TAF1: variants seen among roughly 807,000 people sequenced by gnomAD.
TAF1 encodes transcription initiation factor TFIID subunit 1.
Under a neutral mutation model 138.5 loss-of-function variants are expected in TAF1, and 2 were observed. The observed-to-expected ratio is 0.01, with a 90% CI of 0.01 to 0.05. The LOEUF (loss-of-function observed/expected upper bound fraction) is 0.05. Ranked by LOEUF, TAF1 falls within the 10% of genes least tolerant of loss-of-function variation. The pLI is 1.00. For missense variants in TAF1, 709 were observed against 1,478.0 expected, an observed-to-expected ratio of 0.48 and a Z score of 8.53; for synonymous variants, 437 against 503.2, an observed-to-expected ratio of 0.87 and a Z score of 1.76.
chrX:71,504,313 T>C (rs1445851362), intron 13 of TAF1, among the ~76,000 whole-genome samples: 1 of 110,277 alleles, frequency 9.1e-6, no homozygotes, highest in Non-Finnish European at 1.9e-5. Context: ...TCAAGGTATT[T>C]CCTCCATCCA....
At chrX:71,510,482 T>C (rs912896400) in intron 13 of TAF1, among the ~76,000 whole-genome samples, 3 of 111,975 alleles carry the variant, frequency 2.7e-5, no homozygotes, top group African/African-American at 9.7e-5. Context: ...CTTCCATATA[T>C]AGAAAAGCTT....
intron 13 of TAF1, among the ~76,000 whole-genome samples, chrX:71,526,289 A>G (rs1384766694): frequency 8.9e-6 from 1 of 112,445 alleles, no homozygotes; most frequent in African/African-American, 3.2e-5. Flanking sequence ...TAAAACATTT[A>G]CCAAAGGAAA....
At chrX:71,505,542 A>T (rs772467721) in intron 13 of TAF1, among the ~76,000 whole-genome samples, 1 of 112,296 alleles carries the variant, frequency 8.9e-6, no homozygotes, top group Admixed American at 9.4e-5. Flanking sequence ...CATGAGAAAA[A>T]CATCAGAAAA....
chrX:71,417,975 T>A (rs2036116773), intron 28 of TAF1, among the ~76,000 whole-genome samples: 1 of 112,509 alleles, frequency 8.9e-6, no homozygotes, highest in Non-Finnish European at 1.9e-5. Flanking sequence ...ATATGGTCAA[T>A]CTAGTATATA....
At position 71,500,397 on chromosome X, in the gene TAF1, C is replaced by A. The variant is rs1353447225; in HGVS notation, c.1367-28145C>A. 6.3e-5 allele frequency among the ~76,000 whole-genome samples: 7 copies of A among 111,288 alleles called. No homozygotes were observed. The Admixed American group carries it at 6.7e-4, about 11-fold the overall frequency. ...TAGTGCAGAAAAAAATAAGCCACTT[C>A]TTTTTCAGGGTTTGTGGGTCAAATT... On this transcript the variant is annotated intron_variant and NMD_transcript_variant, in intron 13 of 14. Coordinates refer to the TAF1 transcript ENST00000373775.
chrX:71,459,215 TGAG>T, intron 35 of TAF1: 2 of 1,111,124 alleles, frequency 1.8e-6, no homozygotes, highest in Non-Finnish European at 1.2e-6. Flanking sequence ...GGTATGATGA[TGAG>T]GAGGAGGATG....
chrX:71,423,155 C>T lies in TAF1; in HGVS notation c.4491C>T (p.Asn1497=). The T allele has an allele frequency of 8.3e-7, 1 of 1,212,008 alleles. No homozygotes were observed. Among genetic ancestry groups the T allele is most frequent in the African/African-American group, 1.7e-5 (1 of 57,877 alleles). Residue 1497 remains asparagine, a synonymous_variant, in exon 30 of 38, where the codon AAC becomes AAT. Transcript: ENST00000423759. The part of the protein sequence containing the change: ...DKLARLEKAI[N]PLLDDDDQVA... The stretch of plus-strand genomic sequence containing the variant: ...TAGCTCGCTTAGAGAAAGCTATCAA[C>T]CCCTTGCTGGATGATGATGACCAAG...
downstream of TAF1, among the ~76,000 whole-genome samples, chrX:71,469,595 C>T (rs981417775): frequency 9.2e-6 from 1 of 108,997 alleles, no homozygotes; most frequent in Non-Finnish European, 1.9e-5. Flanking sequence ...ACTCGGGAGG[C>T]TCGGGTGGGA....
At chrX:71,393,137 A>T in intron 20 of TAF1, 143 bp downstream of exon 20, 1 of 1,060,856 alleles carries the variant, frequency 9.4e-7, no homozygotes. Context: ...TTTAGGAGTT[A>T]TCTTTCTATG....
At chrX:71,471,461 CTTTTTTTT>C (rs1279972405) in intron 13 of TAF1, among the ~76,000 whole-genome samples, 1 of 87,319 alleles carries the variant, frequency 1.1e-5, no homozygotes, top group East Asian at 3.5e-4. Flanking sequence ...GAAATGGTCA[CTTTTTTTT>C]TTTTTTTTTT....
chrX:71,497,102 G>A (rs1199857079), intron 13 of TAF1, among the ~76,000 whole-genome samples: 2 of 112,233 alleles, frequency 1.8e-5, no homozygotes, highest in East Asian at 5.6e-4. Flanking sequence ...CCTGGGGGAA[G>A]AGGCTTACTT....
At chrX:71,519,306 G>C (rs2039883051) in intron 13 of TAF1, among the ~76,000 whole-genome samples, 1 of 102,422 alleles carries the variant, frequency 9.8e-6, no homozygotes, top group Non-Finnish European at 2.0e-5. Flanking sequence ...CTGGGCGACA[G>C]AGCGAGACTC....
intron 22 of TAF1, 70 bp downstream of exon 22, chrX:71,394,315 CTG>C: frequency 1.8e-6 from 2 of 1,093,583 alleles, no homozygotes; most frequent in Middle Eastern, 2.6e-4. Context: ...TAACTGCAGA[CTG>C]TAATTGAGGG....
intron 8 of TAF1, among the ~76,000 whole-genome samples, chrX:71,380,022 G>A (rs1056061254): frequency 1.2e-4 from 13 of 109,331 alleles, no homozygotes; most frequent in African/African-American, 4.0e-4. Flanking sequence ...TTTTTTTTAA[G>A]GTATGCCATG....
At chrX:71,468,986 TCAAAA>T (rs760914198), downstream of TAF1, among the ~76,000 whole-genome samples, 16 of 111,284 alleles carry the variant, frequency 1.4e-4, no homozygotes, top group Admixed American at 1.9e-4. Context: ...AGACCCTATG[TCAAAA>T]CAAAACAAAA....
chrX:71,491,040 G>GTT lies in TAF1; in HGVS notation c.1366+30238_1366+30239dup, dbSNP rs1210295875. On this transcript the variant is annotated intron_variant and NMD_transcript_variant, in intron 13 of 14. Transcript: ENST00000373775. Reference sequence around the variant, plus strand: ...TTTTTTTGTTGTTGTTGTTGTTGTTGTTGTTTTTTTTTTTTTTTTTTTTTT... The same window carrying GTT: ...TTTTTTTGTTGTTGTTGTTGTTGTTGTTTTGTTTTTTTTTTTTTTTTTTTTTT... 2.4e-3 allele frequency: 168 copies of GTT among 69,673 alleles called. 4 individuals are homozygous for GTT. Among genetic ancestry groups the GTT allele is most frequent in the African/African-American group, 8.8e-3 (151 of 17,111 alleles). The allele number at this position is 69,673 out of a possible 1,213,427, so 5.7% of individuals were successfully genotyped here.
rs765256879 is a variant in TAF1 at position 71,511,044 on chromosome X, AG to A, written c.1367-17497del. ...CTTGAACCTGGGAGGCAGAGGTTGC[AG>A]TGAGCCAAGATCGCGCCATTGCACT... On this transcript the variant is annotated intron_variant and NMD_transcript_variant, in intron 13 of 14. Coordinates refer to the TAF1 transcript ENST00000373775. 4.9e-4 allele frequency among the ~76,000 whole-genome samples: 55 copies of A among 111,289 alleles called. 1 individual carries two copies. In the East Asian group the frequency reaches 0.015, roughly 31 times the overall value.
chrX:71,519,322 CAA>C (rs771786502), intron 13 of TAF1, among the ~76,000 whole-genome samples: 8 of 56,954 alleles, frequency 1.4e-4, no homozygotes, highest in Non-Finnish European at 1.0e-4. Flanking sequence ...GACTCCGTCT[CAA>C]AAAAAAAAAA....
chrX:71,431,845 G>A (rs2148660150), intron 32 of TAF1, among the ~76,000 whole-genome samples: 1 of 109,071 alleles, frequency 9.2e-6, no homozygotes, highest in South Asian at 4.1e-4. Flanking sequence ...GAATCCGGGA[G>A]GTGGAGGTTG....
Sources: gnomAD v4.1 joint callset for allele counts (sites outside exome capture counted in the v4.1 genomes callset) on GRCh38, gnomAD v4.1.1 for gene constraint, MANE v1.5 for transcripts, NCBI Gene and HGNC (gene_info 2026-07-23, HGNC 2026-07-21) for gene names.